CADM2: variants seen among roughly 807,000 people sequenced by gnomAD.
The protein encoded by CADM2 is cell adhesion molecule 2, also known as immunoglobulin superfamily member 4D.
Under a neutral mutation model 49.8 loss-of-function variants are expected in CADM2, and 12 were observed. The ratio of observed to expected loss-of-function variants is 0.24; its 90% CI spans 0.15 to 0.39. The LOEUF (loss-of-function observed/expected upper bound fraction) is 0.39, where lower values mean the gene tolerates loss of function less well. CADM2 is among the 10% of genes least tolerant of loss of function. CADM2 has a pLI of 1.00. For synonymous variants in CADM2, 214 were observed against 175.4 expected (o/e 1.22, Z -1.74); for missense variants, 378 against 492.3 (o/e 0.77, Z 2.20).
intron 1 of CADM2, among the ~76,000 whole-genome samples, chr3:85,207,723 T>G (rs1018012772): frequency 4.6e-5 from 7 of 152,066 alleles, no homozygotes; most frequent in African/African-American, 1.7e-4. Flanking sequence ...TTACAGAGAG[T>G]CTCTTTAAAA....
chr3:85,605,020 T>C lies in CADM2; in HGVS notation c.62-121502T>C, dbSNP rs374335438. The stretch of plus-strand genomic sequence containing the variant: ...ACAAATACTACATCATCAGTTCCAG[T>C]TGAAGACACAGCCTAATAAGTAGAA... On this transcript the variant is annotated intron_variant, in intron 1 of 9. Coordinates refer to ENST00000383699, the MANE Select transcript of CADM2 (RefSeq NM_001167675.2). 2.6e-5 allele frequency among the ~76,000 whole-genome samples: 4 copies of C among 152,216 alleles called. No homozygotes were observed. In the East Asian group the frequency reaches 7.7e-4, roughly 29 times the overall value.
At chr3:85,630,656 T>C (rs1392428863) in intron 1 of CADM2, among the ~76,000 whole-genome samples, 2 of 152,072 alleles carry the variant, frequency 1.3e-5, no homozygotes, top group Non-Finnish European at 2.9e-5. Flanking sequence ...TGAAAAGCTC[T>C]ACATTAGGAG....
chr3:85,280,048 A>T (rs1246080267), intron 1 of CADM2, among the ~76,000 whole-genome samples: 1 of 151,586 alleles, frequency 6.6e-6, no homozygotes, highest in Non-Finnish European at 1.5e-5. Context: ...CGCCTACATT[A>T]TCTATTTTTT....
intron 2 of CADM2, among the ~76,000 whole-genome samples, chr3:85,748,507 A>G (rs62261699): frequency 2.0e-5 from 3 of 152,014 alleles, no homozygotes; most frequent in Non-Finnish European, 4.4e-5. Context: ...CTGAACGCTC[A>G]CTTATCTGAG....
intron 1 of CADM2, among the ~76,000 whole-genome samples, chr3:85,340,234 C>T (rs138953384): frequency 3.0e-4 from 46 of 151,500 alleles, no homozygotes; most frequent in East Asian, 7.7e-4. Flanking sequence ...TTTTCATTAA[C>T]GAAATTGATT....
In CADM2 at chr3:86,014,302, T is replaced by C. The variant is rs149406553; in HGVS notation, c.971-51303T>C. On this transcript the variant is annotated intron_variant, in intron 8 of 9. Transcript: ENST00000383699. ...GTTACTATTGTTGTTCTTAAAAATG[T>C]CCTATCTTTTACAAGAGCCTTTGGG... 9.8e-3 allele frequency: 13,300 copies of C among 1,353,202 alleles called. 116 individuals are homozygous for C. Among genetic ancestry groups the C allele is most frequent in the South Asian group, 0.029 (1,823 of 62,034 alleles). 83.8% of individuals were successfully genotyped at this position (1,353,202 alleles called of 1,614,324 possible).
intron 1 of CADM2, among the ~76,000 whole-genome samples, chr3:85,450,910 A>G (rs557372160): frequency 1.2e-4 from 18 of 152,224 alleles, no homozygotes; most frequent in Admixed American, 4.6e-4. Flanking sequence ...AAATTTCTCA[A>G]TATTGTTAAT....
chr3:86,034,796 C>A (rs1051714478), intron 8 of CADM2, among the ~76,000 whole-genome samples: 16 of 152,104 alleles, frequency 1.1e-4, no homozygotes, highest in African/African-American at 3.6e-4. Context: ...CTGATTCTAC[C>A]TCTTGTATTG....
chr3:85,441,389 A>T (rs1332801803), intron 1 of CADM2, among the ~76,000 whole-genome samples: 1 of 152,042 alleles, frequency 6.6e-6, no homozygotes, highest in Non-Finnish European at 1.5e-5. Context: ...TTTATAATTT[A>T]ATGTTTTTCT....
At chr3:85,482,587 C>A (rs2039258836) in intron 1 of CADM2, among the ~76,000 whole-genome samples, 1 of 151,530 alleles carries the variant, frequency 6.6e-6, no homozygotes. Context: ...ATGTAAAGAT[C>A]TATTTAAACA....
intron 3 of CADM2, among the ~76,000 whole-genome samples, chr3:85,842,330 G>A (rs937029912): frequency 6.6e-6 from 1 of 152,108 alleles, no homozygotes; most frequent in Non-Finnish European, 1.5e-5. Flanking sequence ...AACAGCTGAG[G>A]TGATAGAGAA....
chr3:85,645,415 G>A (rs1189746129), intron 1 of CADM2, among the ~76,000 whole-genome samples: 1 of 151,916 alleles, frequency 6.6e-6, no homozygotes, highest in Non-Finnish European at 1.5e-5. Flanking sequence ...AAACACATTA[G>A]ACTTTTGAGG....
At chr3:85,373,885 G>C (rs1241392687) in intron 1 of CADM2, among the ~76,000 whole-genome samples, 1 of 152,118 alleles carries the variant, frequency 6.6e-6, no homozygotes, top group Non-Finnish European at 1.5e-5. Flanking sequence ...GCAATGCCCT[G>C]GGCCTGGGCC....
intron 2 of CADM2, among the ~76,000 whole-genome samples, chr3:85,789,253 T>G (rs2071185574): frequency 6.6e-6 from 1 of 152,162 alleles, no homozygotes; most frequent in Non-Finnish European, 1.5e-5. Context: ...TGAGCTTCAC[T>G]ATGAACCAGA....
At chr3:85,085,059 A>AT (rs995396146) in intron 1 of CADM2, among the ~76,000 whole-genome samples, 7 of 152,062 alleles carry the variant, frequency 4.6e-5, no homozygotes, top group African/African-American at 7.2e-5. Context: ...TCACATACTA[A>AT]TTTTTTTTAT....
In CADM2 at chr3:85,031,058, G is replaced by T. The variant is rs544159068; in HGVS notation, c.61+71390G>T. ...GTGAGGTTAATGTTGAAGATTTGCTGTGGTTACTGGACTAGGAGGCAGATA... is the reference window on the plus strand; with the variant it reads ...GTGAGGTTAATGTTGAAGATTTGCTTTGGTTACTGGACTAGGAGGCAGATA... On this transcript the variant is annotated intron_variant, in intron 1 of 9. Coordinates refer to ENST00000383699, the MANE Select transcript of CADM2 (RefSeq NM_001167675.2). Among the ~76,000 whole-genome samples the T allele has an allele frequency of 3.9e-5, 6 of 152,270 alleles. No individual in the cohort carries two copies. The South Asian group carries it at 1.0e-3, about 26-fold the overall frequency.
At chr3:85,893,412 G>T (rs545174821) in intron 5 of CADM2, among the ~76,000 whole-genome samples, 1 of 152,232 alleles carries the variant, frequency 6.6e-6, no homozygotes, top group African/African-American at 2.4e-5. Flanking sequence ...AACCTAGGCA[G>T]TACCATTCTG....
chr3:86,021,053 G>A (rs1733097229), intron 8 of CADM2, among the ~76,000 whole-genome samples: 1 of 152,152 alleles, frequency 6.6e-6, no homozygotes, highest in Admixed American at 6.5e-5. Flanking sequence ...AGGCTGGAGT[G>A]CGGTGACGAG....
chr3:85,260,673 C>T (rs955565896), intron 1 of CADM2, among the ~76,000 whole-genome samples: 3 of 152,126 alleles, frequency 2.0e-5, no homozygotes, highest in African/African-American at 4.8e-5. Flanking sequence ...TAAAAATAAT[C>T]GCAGATTATT....
Sources: allele counts gnomAD v4.1 joint callset (sites outside exome capture counted in the v4.1 genomes callset), GRCh38; gene constraint gnomAD v4.1.1; transcripts MANE v1.5; gene names NCBI Gene and HGNC (gene_info 2026-07-23, HGNC 2026-07-21).